Variants in USP10 observed in about 807,000 individuals in gnomAD.
USP10 encodes ubiquitin carboxyl-terminal hydrolase 10.
In USP10, 22 loss-of-function variants were observed where a neutral mutation model predicts 84.5. That is an observed-to-expected ratio of 0.26 (90% CI 0.19 to 0.37). The LOEUF (loss-of-function observed/expected upper bound fraction) is 0.37, where lower values mean the gene tolerates loss of function less well. Ranked by LOEUF, USP10 falls within the 10% of genes least tolerant of loss-of-function variation. USP10 has a pLI of 1.00. For synonymous variants in USP10, 454 were observed against 387.6 expected (o/e 1.17, Z -2.01); for missense variants, 1,019 against 998.9 (o/e 1.02, Z -0.27).
At chr16:84,768,779 C>CAGGT (rs1236762700) in intron 11 of USP10, among the ~76,000 whole-genome samples, 2 of 152,010 alleles carry the variant, frequency 1.3e-5, no homozygotes, top group Non-Finnish European at 2.9e-5. Context: ...GTAGATCTTC[C>CAGGT]AGGTCATTGT....
chr16:84,750,500 G>C (rs184582133), intron 4 of USP10, among the ~76,000 whole-genome samples: 1 of 152,066 alleles, frequency 6.6e-6, no homozygotes, highest in African/African-American at 2.4e-5. Flanking sequence ...GCAGACACGT[G>C]GGGAGTGCCT....
At chr16:84,730,471 C>T (rs1478687527) in intron 1 of USP10, among the ~76,000 whole-genome samples, 1 of 152,092 alleles carries the variant, frequency 6.6e-6, no homozygotes, top group East Asian at 1.9e-4. Context: ...AACATTTTCT[C>T]AGATACTTTA....
Position 84,768,291 on chromosome 16 carries a change from A to G in USP10, c.1931A>G (p.Gln644Arg), listed in dbSNP as rs1439060203. 6.2e-7 allele frequency: 1 copy of G among 1,609,568 alleles called. No individual in the cohort carries two copies. Among genetic ancestry groups the G allele is most frequent in the Non-Finnish European group, 8.5e-7 (1 of 1,177,788 alleles). ...CAGTCAGACAAGATACGCACAGTCC[A>G]GGATGCACTGGAGAGCTTGGTGGCA... ...DIQSDKIRTV[Q>R]DALESLVARE... Residue 644 changes from glutamine to arginine, a missense_variant, in exon 11 of 14, where the codon CAG becomes CGG. Transcript: ENST00000219473.
At position 84,744,776 on chromosome 16, in the gene USP10, A is replaced by G. The variant is rs764736149; in HGVS notation, c.295A>G (p.Ile99Val). Residue 99 changes from isoleucine (I) to valine (V), a missense_variant, in exon 4 of 14, where the codon ATA becomes GTA. By Grantham distance (29) the Ile-to-Val change is conservative. Around this residue, in one of 2 missense-constraint regions of USP10, gnomAD observed 787 missense variants for 708.8 expected, o/e 1.11. Coordinates refer to ENST00000219473, the MANE Select transcript of USP10 (RefSeq NM_005153.3). ...TATTCTCGGTTGTACAGCTTCCAAA[A>G]TAACCCCTGATGGTATCACTAAAGA... The part of the protein sequence containing the change: ...EFILGCTASK[I>V]TPDGITKEAS... 6.2e-7 allele frequency: 1 copy of G among 1,613,744 alleles called. No homozygotes were observed. Among genetic ancestry groups the G allele is most frequent in the Non-Finnish European group, 8.5e-7 (1 of 1,179,712 alleles).
At position 84,764,184 on chromosome 16, in the gene USP10, C is replaced by T; in HGVS notation, c.1753C>T (p.Pro585Ser). ...CGAGGATGAATGGGAACAAGTGGGC[C>T]CCCGGAACAAGACTTCCGTCACCCG... is the stretch of plus-strand genomic sequence containing the variant. ...GSEDEWEQVG[P>S]RNKTSVTRQA... The change falls in exon 10 of 14, where the codon CCC becomes TCC. Residue 585 changes from proline to serine, a missense_variant. Physicochemically the swap from Pro to Ser is moderately conservative, Grantham distance 74. Around this residue, in one of 2 missense-constraint regions of USP10, gnomAD observed 232 missense variants for 290.1 expected, o/e 0.80. Transcript: ENST00000219473. 2 of 1,613,944 alleles carry T rather than the reference C, an allele frequency of 1.2e-6. No individual in the cohort carries two copies. Among genetic ancestry groups the T allele is most frequent in the Non-Finnish European group, 1.7e-6 (2 of 1,179,858 alleles).
chr16:84,779,272 C>G lies in USP10; in HGVS notation c.*190C>G, dbSNP rs1915335535. 3.6e-6 allele frequency: 2 copies of G among 556,466 alleles called. No individual in the cohort carries two copies. Among genetic ancestry groups the G allele is most frequent in the Non-Finnish European group, 6.1e-6 (2 of 327,910 alleles). The allele number at this position is 556,466 out of a possible 1,614,324, so 34.5% of individuals were successfully genotyped here. A position where few individuals can be genotyped will look rare whatever the true frequency, so the allele number is the denominator to read the frequency against. On this transcript the variant is annotated 3_prime_UTR_variant, in exon 14 of 14. Coordinates refer to ENST00000219473, the MANE Select transcript of USP10 (RefSeq NM_005153.3). ...CTTCTGTTGACTCTAACTTCCAAAT[C>G]AAAATCATTTGGTTGAAACAGACTG...
chr16:84,723,205 C>G (rs1301560192), intron 1 of USP10, among the ~76,000 whole-genome samples: 1 of 148,084 alleles, frequency 6.8e-6, no homozygotes, highest in East Asian at 2.0e-4. Flanking sequence ...AAAGTGGTTT[C>G]TCTTTAGCTT....
chr16:84,740,299 C>A lies in USP10; in HGVS notation c.91-10C>A. 6.2e-7 allele frequency: 1 copy of A among 1,603,644 alleles called. No homozygotes were observed. Among genetic ancestry groups the A allele is most frequent in the South Asian group, 1.1e-5 (1 of 89,048 alleles). ...TTGAATTAAAATTTGTTTTCTGATT[C>A]CTTGTGCAGCTTCCTCCATACAGTG... On this transcript the variant is annotated splice_polypyrimidine_tract_variant and intron_variant, in intron 2 of 13. Coordinates refer to ENST00000219473, the MANE Select transcript of USP10 (RefSeq NM_005153.3).
At chr16:84,714,677 G>T (rs527461404) in intron 1 of USP10, among the ~76,000 whole-genome samples, 1 of 151,884 alleles carries the variant, frequency 6.6e-6, no homozygotes, top group African/African-American at 2.4e-5. Context: ...ATTTTTAGTT[G>T]TTACTTGTGA....
intron 4 of USP10, among the ~76,000 whole-genome samples, chr16:84,751,956 G>C (rs1407331944): frequency 6.6e-6 from 1 of 152,154 alleles, no homozygotes; most frequent in Non-Finnish European, 1.5e-5. Flanking sequence ...TATTGCCTTT[G>C]AGTTGATAAA....
chr16:84,740,295 G>T lies in USP10; in HGVS notation c.91-14G>T, dbSNP rs950083666. 2 of 1,603,276 alleles carry T rather than the reference G, an allele frequency of 1.2e-6. No individual in the cohort carries two copies. Among genetic ancestry groups the T allele is most frequent in the Non-Finnish European group, 1.7e-6 (2 of 1,175,298 alleles). On this transcript the variant is annotated splice_polypyrimidine_tract_variant and intron_variant, in intron 2 of 13. Transcript: ENST00000219473. Reference sequence around the variant, plus strand: ...TTTGTTGAATTAAAATTTGTTTTCTGATTCCTTGTGCAGCTTCCTCCATAC... The same window carrying T: ...TTTGTTGAATTAAAATTTGTTTTCTTATTCCTTGTGCAGCTTCCTCCATAC...
At chr16:84,764,931 G>GAGAGAGAAAAAAA (rs11373757) in intron 10 of USP10, among the ~76,000 whole-genome samples, 1 of 39,256 alleles carries the variant, frequency 2.5e-5, no homozygotes. Context: ...GAGAGAGAGA[G>GAGAGAGAAAAAAA]AAAAAAAAAT....
chr16:84,761,154 T>C (rs73245650), intron 8 of USP10, among the ~76,000 whole-genome samples: 142 of 152,262 alleles, frequency 9.3e-4, no homozygotes, highest in African/African-American at 3.3e-3. Context: ...GTGCGCCCTC[T>C]GCCCTCAGTG....
chr16:84,735,035 C>G (rs984757653), intron 2 of USP10, among the ~76,000 whole-genome samples: 1 of 151,854 alleles, frequency 6.6e-6, no homozygotes, highest in South Asian at 2.1e-4. Flanking sequence ...TTTTTCTTTT[C>G]TTTTCTTTTT....
Position 84,740,389 on chromosome 16 carries a change from A to T in USP10, c.151+20A>T, listed in dbSNP as rs1910485726. On this transcript the variant is annotated intron_variant, in intron 3 of 13. Transcript: ENST00000219473. ...CTGATGGTAAGCTAGTTCTCTCCTTATTTCCCTGAAGGGAATTTGGCCATA... is the reference window on the plus strand; with the variant it reads ...CTGATGGTAAGCTAGTTCTCTCCTTTTTTCCCTGAAGGGAATTTGGCCATA... 1 of 1,608,044 alleles carries T rather than the reference A, an allele frequency of 6.2e-7. No individual in the cohort carries two copies. Among genetic ancestry groups the T allele is most frequent in the Admixed American group, 1.7e-5 (1 of 59,398 alleles).
rs139292986 is a variant in USP10, at chr16:84,744,347, A to G, written c.152-286A>G. 4.6e-3 allele frequency among the ~76,000 whole-genome samples: 695 copies of G among 152,254 alleles called. 1 individual carries two copies. The highest frequency in any genetic ancestry group is 5.9e-3 in the Non-Finnish European group (399 of 68,022). On this transcript the variant is annotated intron_variant, in intron 3 of 13. Coordinates refer to ENST00000219473, the MANE Select transcript of USP10 (RefSeq NM_005153.3). The stretch of plus-strand genomic sequence containing the variant: ...GGGGGGTATTTTTAAAATTGGCAAA[A>G]TATTACTTGCTTTTTATTACAAATT...
In USP10 at chr16:84,705,313, C is replaced by G. The variant is rs149322051; in HGVS notation, c.21+5202C>G. 1.4e-3 allele frequency among the ~76,000 whole-genome samples: 208 copies of G among 151,864 alleles called. 1 individual carries two copies. In the East Asian group the frequency reaches 0.035, roughly 26 times the overall value. ...TTGGCGGTATCTTGTCTCACTGCAA[C>G]TTCTGCCTCCCGGGTTCAAGTGATT... On this transcript the variant is annotated intron_variant, in intron 1 of 13. Transcript: ENST00000219473.
At chr16:84,759,524 T>G in intron 6 of USP10, 52 bp downstream of exon 6, 1 of 1,487,770 alleles carries the variant, frequency 6.7e-7, no homozygotes, top group Non-Finnish European at 9.4e-7. Context: ...TCCCGTCTGA[T>G]AATTAGAATT....
At chr16:84,728,733 A>G (rs1170349534) in intron 1 of USP10, among the ~76,000 whole-genome samples, 2 of 152,182 alleles carry the variant, frequency 1.3e-5, no homozygotes, top group African/African-American at 4.8e-5. Flanking sequence ...TTTTATCAGC[A>G]TATGCAAAAA....
Sources: allele counts gnomAD v4.1 joint callset (sites outside exome capture counted in the v4.1 genomes callset), GRCh38; gene constraint gnomAD v4.1.1; regional missense constraint gnomAD v4.1.1; transcripts MANE v1.5; gene names NCBI Gene and HGNC (gene_info 2026-07-23, HGNC 2026-07-21).